The following NACAD variants were observed in gnomAD, a reference collection of about 807,000 sequenced individuals.
NACAD encodes NAC-alpha domain-containing protein 1.
NACAD carries 47 observed loss-of-function variants against 98.9 expected under a neutral mutation model. The observed-to-expected ratio is 0.48, with a 90% CI of 0.38 to 0.61. NACAD has a LOEUF of 0.61. Ranked by LOEUF, NACAD falls within the 20% of genes least tolerant of loss-of-function variation. The pLI, the probability that NACAD is intolerant of heterozygous loss-of-function variation, is 0.00. For missense variants in NACAD, 1,412 were observed against 1,748.2 expected, an observed-to-expected ratio of 0.81 and a Z score of 3.43; for synonymous variants, 696 against 767.2, an observed-to-expected ratio of 0.91 and a Z score of 1.53.
chr7:45,086,073 C>A lies in NACAD; in HGVS notation c.107G>T (p.Gly36Val), dbSNP rs1332968877. 7 of 1,536,114 alleles carry A rather than the reference C, an allele frequency of 4.6e-6. No individual in the cohort carries two copies. Among genetic ancestry groups the A allele is most frequent in the African/African-American group, 4.1e-5 (3 of 73,050 alleles). Reference protein sequence around the residue: ...CDAAAATTILGGDRREPCALT... With the variant: ...CDAAAATTILVGDRREPCALT... The stretch of plus-strand genomic sequence containing the variant: ...AGCACAGGGCTCCCGCCGGTCCCCT[C>A]CCAGGATGGTGGTGGCAGCGGCCGC... The change falls in exon 2 of 8, where the codon GGA (glycine) becomes GTA (valine). Residue 36 changes from glycine to valine, a missense_variant. Gly to Val is a moderately radical substitution (Grantham distance 109, BLOSUM62 -3). Around this residue, in one of 5 missense-constraint regions of NACAD, gnomAD observed 638 missense variants for 722.7 expected, o/e 0.88. Transcript: ENST00000490531.
rs1422084859 is a variant in NACAD at position 45,085,773 on chromosome 7, C to G, written c.407G>C (p.Arg136Pro). The stretch of plus-strand genomic sequence containing the variant: ...ACCCTCCTGGTCCCTGAGCGCTGTC[C>G]GGGCAGCTCTGGGTGACAGGAGGGC... ...CQALLSPRAA[R>P]TALRDQEGGH... Residue 136 changes from arginine to proline, a missense_variant, in exon 2 of 8, where the codon CGG (arginine) becomes CCG (proline). This residue lies in a region of NACAD where 638 missense variants were observed against 722.7 expected (regional missense o/e 0.88). Coordinates refer to ENST00000490531, the MANE Select transcript of NACAD (RefSeq NM_001146334.2). This position sits in a 1 kb window ranked among gnomAD's most constrained non-coding sequence, Gnocchi z 6.1. 1.9e-6 allele frequency: 3 copies of G among 1,547,436 alleles called. No homozygotes were observed. In the East Asian group the frequency reaches 7.3e-5, roughly 38 times the overall value.
chr7:45,084,422 G>T lies in NACAD; in HGVS notation c.1758C>A (p.Val586=), dbSNP rs779340070. The change falls in exon 2 of 8, where the codon GTC becomes GTA. Residue 586 remains valine, a synonymous_variant. Coordinates refer to ENST00000490531, the MANE Select transcript of NACAD (RefSeq NM_001146334.2). The part of the protein sequence containing the change: ...GRKPVAAATI[V]PRQAKEDLTL... ...TGAGGTCCTCTTTAGCCTGCCTGGG[G>T]ACAATCGTGGCTGCAGCTACAGGCT... The T allele has an allele frequency of 1.3e-6, 2 of 1,544,444 alleles. No homozygotes were observed. Among genetic ancestry groups the T allele is most frequent in the East Asian group, 2.5e-5 (1 of 40,804 alleles).
rs1395389303 is a variant in NACAD, at chr7:45,082,814, T to C, written c.3366A>G (p.Pro1122=). The change falls in exon 2 of 8, where the codon CCA becomes CCG. Residue 1122 remains proline (P), a synonymous_variant. Transcript: ENST00000490531. This position sits in a 1 kb window ranked among gnomAD's most constrained non-coding sequence, Gnocchi z 4.5. ...CACTCAGGCCTCTTTCCTCCCTGGCTGGGCTCAGGAGCCGGGCCTGGCTGA... is the reference window on the plus strand; with the variant it reads ...CACTCAGGCCTCTTTCCTCCCTGGCCGGGCTCAGGAGCCGGGCCTGGCTGA... ...PEVSQARLLS[P]AREERGLSGK... 6.5e-7 allele frequency: 1 copy of C among 1,549,848 alleles called. No individual in the cohort carries two copies. The highest frequency in any genetic ancestry group is 2.4e-5 in the East Asian group (1 of 40,896).
At position 45,082,317 on chromosome 7, in the gene NACAD, G is replaced by A. The variant is rs1298609982; in HGVS notation, c.3863C>T (p.Thr1288Ile). 1.3e-6 allele frequency: 2 copies of A among 1,550,508 alleles called. No individual in the cohort carries two copies. The highest frequency in any genetic ancestry group is 1.7e-6 in the Non-Finnish European group (2 of 1,146,978). ...TCGCGGCCCAGTCCCCAGAGGCTGTGTGGTTCCTGAGACAGCAGCAGCGGC... is the reference window on the plus strand; with the variant it reads ...TCGCGGCCCAGTCCCCAGAGGCTGTATGGTTCCTGAGACAGCAGCAGCGGC... ...QPAAAAVSGT[T>I]QPLGTGPRVS... Residue 1288 changes from threonine to isoleucine, a missense_variant, in exon 2 of 8, where the codon ACA (threonine) becomes ATA (isoleucine). Physicochemically the swap from Thr to Ile is moderately conservative, Grantham distance 89. Coordinates refer to ENST00000490531, the MANE Select transcript of NACAD (RefSeq NM_001146334.2). The surrounding 1 kb of genome is among the most constrained non-coding windows in gnomAD (Gnocchi z 4.5).
Position 45,084,752 on chromosome 7 carries a change from G to A in NACAD, c.1428C>T (p.Gly476=), listed in dbSNP as rs765629024. 11 of 1,550,932 alleles carry A rather than the reference G, an allele frequency of 7.1e-6. No individual in the cohort carries two copies. In the South Asian group the frequency reaches 1.2e-4, roughly 17 times the overall value. ...GGGTCACAGTGGCAGTGGACTCCTG[G>A]CCTAAAGCAAGGCCCTCTTCTGTTA... The part of the protein sequence containing the change: ...SEVTEEGLAL[G]QESTATVTPH... Residue 476 remains glycine (G), a synonymous_variant, in exon 2 of 8, where the codon GGC becomes GGT. Transcript: ENST00000490531.
chr7:45,085,419 G>T lies in NACAD; in HGVS notation c.761C>A (p.Ser254Tyr). Reference protein sequence around the residue: ...GLDFPSGWGLSPQGSMVDERE... With the variant: ...GLDFPSGWGLYPQGSMVDERE... Reference sequence around the variant, plus strand: ...TTCATCCACCATGGACCCCTGCGGGGACAGGCCCCAGCCTGAGGGGAAGTC... The same window carrying T: ...TTCATCCACCATGGACCCCTGCGGGTACAGGCCCCAGCCTGAGGGGAAGTC... The change falls in exon 2 of 8, where the codon TCC becomes TAC. Residue 254 changes from serine (S) to tyrosine (Y), a missense_variant. Physicochemically the swap from Ser to Tyr is moderately radical, Grantham distance 144 (BLOSUM62 -2). Transcript: ENST00000490531. The surrounding 1 kb of genome is among the most constrained non-coding windows in gnomAD (Gnocchi z 6.1). 1 of 1,547,764 alleles carries T rather than the reference G, an allele frequency of 6.5e-7. No homozygotes were observed. Among genetic ancestry groups the T allele is most frequent in the Non-Finnish European group, 8.7e-7 (1 of 1,145,410 alleles).
chr7:45,080,543 T>C lies in NACAD; in HGVS notation c.4675-20A>G, dbSNP rs771527968. 7 of 1,551,412 alleles carry C rather than the reference T, an allele frequency of 4.5e-6. No homozygotes were observed. Among genetic ancestry groups the C allele is most frequent in the Non-Finnish European group, 6.1e-6 (7 of 1,146,910 alleles). On this transcript the variant is annotated intron_variant, in intron 7 of 7. Transcript: ENST00000490531. ...CAGTTCCTGCAGAAAGAGATGGTCATGTTGGGGGAAGCACCCCGCAGTGGA... is the reference window on the plus strand; with the variant it reads ...CAGTTCCTGCAGAAAGAGATGGTCACGTTGGGGGAAGCACCCCGCAGTGGA...
At position 45,085,441 on chromosome 7, in the gene NACAD, A is replaced by T; in HGVS notation, c.739T>A (p.Phe247Ile). Residue 247 changes from phenylalanine to isoleucine, a missense_variant, in exon 2 of 8, where the codon TTC becomes ATC. Coordinates refer to ENST00000490531, the MANE Select transcript of NACAD (RefSeq NM_001146334.2). The surrounding 1 kb of genome is among the most constrained non-coding windows in gnomAD (Gnocchi z 6.1). ...GGGGACAGGCCCCAGCCTGAGGGGA[A>T]GTCCAGCCCTTCAGCCGGAGCCAGC... Reference protein sequence around the residue: ...SLLAPAEGLDFPSGWGLSPQG... With the variant: ...SLLAPAEGLDIPSGWGLSPQG... The T allele has an allele frequency of 6.5e-7, 1 of 1,549,066 alleles. No individual in the cohort carries two copies. The highest frequency in any genetic ancestry group is 8.7e-7 in the Non-Finnish European group (1 of 1,146,124).
At position 45,082,675 on chromosome 7, in the gene NACAD, C is replaced by G. The variant is rs1002409075; in HGVS notation, c.3505G>C (p.Asp1169His). The G allele has an allele frequency of 6.6e-7, 1 of 1,506,952 alleles. No individual in the cohort carries two copies. 93.3% of individuals were successfully genotyped at this position (1,506,952 alleles called of 1,614,324 possible). ...AVSSLDRGCP[D>H]APAPTSAPTS... ...GGTGCAGACGTGGGGGCAGGCGCGT[C>G]AGGGCAGCCTCTGTCCAGACTGGAC... The change falls in exon 2 of 8, where the codon GAC becomes CAC. Residue 1169 changes from aspartate (D) to histidine (H), a missense_variant. Physicochemically the swap from Asp to His is moderately conservative, Grantham distance 81 (BLOSUM62 -1). Around this residue, in one of 5 missense-constraint regions of NACAD, gnomAD observed 572 missense variants for 639.6 expected, o/e 0.89. Coordinates refer to ENST00000490531, the MANE Select transcript of NACAD (RefSeq NM_001146334.2). The surrounding 1 kb of genome is among the most constrained non-coding windows in gnomAD (Gnocchi z 4.5).
chr7:45,084,710 T>C lies in NACAD; in HGVS notation c.1470A>G (p.Val490=). 1 of 1,551,186 alleles carries C rather than the reference T, an allele frequency of 6.4e-7. No individual in the cohort carries two copies. ...TATVTPHTLQ[V]APGLQVEVAT... ...CCACCTCCACCTGGAGGCCTGGGGCTACCTGCAGAGTGTGAGGGGTCACAG... is the reference window on the plus strand; with the variant it reads ...CCACCTCCACCTGGAGGCCTGGGGCCACCTGCAGAGTGTGAGGGGTCACAG... The change falls in exon 2 of 8, where the codon GTA becomes GTG. Residue 490 remains valine, a synonymous_variant. Coordinates refer to ENST00000490531, the MANE Select transcript of NACAD (RefSeq NM_001146334.2).
rs1584008978 is a variant in NACAD, at chr7:45,082,064, T to A, written c.4072+44A>T. On this transcript the variant is annotated intron_variant, in intron 2 of 7. Transcript: ENST00000490531. The surrounding 1 kb of genome is among the most constrained non-coding windows in gnomAD (Gnocchi z 4.5). ...AGGACAGCTCTAAGGAGGAGTCCAG[T>A]TGACCCAAGCCCCAGGGCACTTCAC... The A allele has an allele frequency of 6.8e-7, 1 of 1,460,804 alleles. No homozygotes were observed. Among genetic ancestry groups the A allele is most frequent in the African/African-American group, 1.4e-5 (1 of 70,072 alleles). 90.5% of individuals were successfully genotyped at this position (1,460,804 alleles called of 1,614,324 possible).
rs1253649382 is a variant in NACAD, at chr7:45,084,451, T to C, written c.1729A>G (p.Arg577Gly). ...EEGGLDLPSG[R>G]KPVAAATIVP... ...ATCGTGGCTGCAGCTACAGGCTTTCTGCCAGAGGGGAGGTCCAGCCCTCCT... is the reference window on the plus strand; with the variant it reads ...ATCGTGGCTGCAGCTACAGGCTTTCCGCCAGAGGGGAGGTCCAGCCCTCCT... The change falls in exon 2 of 8, where the codon AGA (arginine) becomes GGA (glycine). Residue 577 changes from arginine (R) to glycine (G), a missense_variant. Coordinates refer to ENST00000490531, the MANE Select transcript of NACAD (RefSeq NM_001146334.2). 1 of 1,551,942 alleles carries C rather than the reference T, an allele frequency of 6.4e-7. No homozygotes were observed. The highest frequency in any genetic ancestry group is 8.7e-7 in the Non-Finnish European group (1 of 1,147,040).
Position 45,086,175 on chromosome 7 carries a change from C to T in NACAD, c.68-63G>A, listed in dbSNP as rs915058407. ...GCATCTCCCAGGCAAGGGCCAGGCC[C>T]GGGGAGATGAATTCCGGCTGCATAG... On this transcript the variant is annotated intron_variant, in intron 1 of 7. Coordinates refer to ENST00000490531, the MANE Select transcript of NACAD (RefSeq NM_001146334.2). 1.9e-5 allele frequency: 28 copies of T among 1,498,246 alleles called. No individual in the cohort carries two copies. The East Asian group carries it at 2.5e-4, about 13-fold the overall frequency. The allele number at this position is 1,498,246 out of a possible 1,614,324, so 92.8% of individuals were successfully genotyped here. A position where few individuals can be genotyped will look rare whatever the true frequency, so the allele number is the denominator to read the frequency against.
chr7:45,084,294 T>G lies in NACAD; in HGVS notation c.1886A>C (p.Gln629Pro). 4.3e-6 allele frequency: 6 copies of G among 1,380,556 alleles called. No individual in the cohort carries two copies. Among genetic ancestry groups the G allele is most frequent in the Non-Finnish European group, 5.7e-6 (6 of 1,051,662 alleles). The allele number at this position is 1,380,556 out of a possible 1,614,324, so 85.5% of individuals were successfully genotyped here. A position where few individuals can be genotyped will look rare whatever the true frequency, so the allele number is the denominator to read the frequency against. The change falls in exon 2 of 8, where the codon CAG becomes CCG. Residue 629 changes from glutamine (Q) to proline (P), a missense_variant. Physicochemically the swap from Gln to Pro is moderately conservative, Grantham distance 76. Coordinates refer to ENST00000490531, the MANE Select transcript of NACAD (RefSeq NM_001146334.2). ...GGGTAAGGTGAGGCCCTCTTCAGCC[T>G]GCTGGGACACAATCGTGGCTGCAGC... Reference protein sequence around the residue: ...PVAAATIVSQQAEEGLTLPQD... With the variant: ...PVAAATIVSQPAEEGLTLPQD...
Position 45,082,746 on chromosome 7 carries a change from G to A in NACAD, c.3434C>T (p.Thr1145Ile). ...TGGGCAGGAGTCCAGACTGGCCTCT[G>A]TGGCCACAGCTGAGGGAAGCGTGGG... ...PEPTLPSAVATEASLDSCPES... is the reference protein window; with the variant it reads ...PEPTLPSAVAIEASLDSCPES... Residue 1145 changes from threonine (T) to isoleucine (I), a missense_variant, in exon 2 of 8, where the codon ACA becomes ATA. Thr to Ile is a moderately conservative substitution (Grantham distance 89). Coordinates refer to ENST00000490531, the MANE Select transcript of NACAD (RefSeq NM_001146334.2). This position sits in a 1 kb window ranked among gnomAD's most constrained non-coding sequence, Gnocchi z 4.5. 1 of 1,545,568 alleles carries A rather than the reference G, an allele frequency of 6.5e-7. No homozygotes were observed.
At position 45,082,421 on chromosome 7, in the gene NACAD, G is replaced by T. The variant is rs1471394477; in HGVS notation, c.3759C>A (p.Asp1253Glu). Residue 1253 changes from aspartate to glutamate, a missense_variant, in exon 2 of 8, where the codon GAC (aspartate) becomes GAA (glutamate). Around this residue, in one of 5 missense-constraint regions of NACAD, gnomAD observed 572 missense variants for 639.6 expected, o/e 0.89. Coordinates refer to ENST00000490531, the MANE Select transcript of NACAD (RefSeq NM_001146334.2). The surrounding 1 kb of genome is among the most constrained non-coding windows in gnomAD (Gnocchi z 4.5). ...CGTCTTCCACAGAGTCTTCCTGGGGGTCCTGGCACAGGCAGGGGGCTGGGG... is the reference window on the plus strand; with the variant it reads ...CGTCTTCCACAGAGTCTTCCTGGGGTTCCTGGCACAGGCAGGGGGCTGGGG... Reference protein sequence around the residue: ...LEPPAPCLCQDPQEDSVEDEE... With the variant: ...LEPPAPCLCQEPQEDSVEDEE... The T allele has an allele frequency of 8.4e-6, 13 of 1,548,904 alleles. No homozygotes were observed. Among genetic ancestry groups the T allele is most frequent in the Non-Finnish European group, 6.1e-6 (7 of 1,146,458 alleles).
Position 45,085,135 on chromosome 7 carries a change from C to T in NACAD, c.1045G>A (p.Ala349Thr), listed in dbSNP as rs1453360104. 27 of 1,550,750 alleles carry T rather than the reference C, an allele frequency of 1.7e-5. No individual in the cohort carries two copies. In the South Asian group the frequency reaches 2.7e-4, roughly 16 times the overall value. Residue 349 changes from alanine (A) to threonine (T), a missense_variant, in exon 2 of 8, where the codon GCT becomes ACT. Coordinates refer to ENST00000490531, the MANE Select transcript of NACAD (RefSeq NM_001146334.2). The surrounding 1 kb of genome is among the most constrained non-coding windows in gnomAD (Gnocchi z 6.1). Reference protein sequence around the residue: ...VADPDPGGDLAGEGEEDSTSA... With the variant: ...VADPDPGGDLTGEGEEDSTSA... ...GTGCTGTCCTCCTCACCCTCCCCAG[C>T]CAGGTCCCCACCTGGGTCGGGATCC...
Position 45,082,852 on chromosome 7 carries a change from C to G in NACAD, c.3328G>C (p.Ala1110Pro). Residue 1110 changes from alanine to proline, a missense_variant, in exon 2 of 8, where the codon GCC (alanine) becomes CCC (proline). Ala to Pro is a conservative substitution (Grantham distance 27, BLOSUM62 -1). Around this residue, in one of 5 missense-constraint regions of NACAD, gnomAD observed 572 missense variants for 639.6 expected, o/e 0.89. Coordinates refer to ENST00000490531, the MANE Select transcript of NACAD (RefSeq NM_001146334.2). The surrounding 1 kb of genome is among the most constrained non-coding windows in gnomAD (Gnocchi z 4.5). ...AREVPDAPPAACPEVSQARLL... is the reference protein window; with the variant it reads ...AREVPDAPPAPCPEVSQARLL... The stretch of plus-strand genomic sequence containing the variant: ...CGGGCCTGGCTGACCTCAGGGCAGG[C>G]AGCAGGAGGCGCATCGGGGACCTCC... The G allele has an allele frequency of 6.5e-7, 1 of 1,550,098 alleles. No individual in the cohort carries two copies. Among genetic ancestry groups the G allele is most frequent in the Non-Finnish European group, 8.7e-7 (1 of 1,146,854 alleles).
rs759644310 is a variant in NACAD at position 45,084,379 on chromosome 7, C to G, written c.1801G>C (p.Ala601Pro). 82 of 1,523,944 alleles carry G rather than the reference C, an allele frequency of 5.4e-5. No homozygotes were observed. Among genetic ancestry groups the G allele is most frequent in the Non-Finnish European group, 8.9e-6 (10 of 1,127,474 alleles). The allele number at this position is 1,523,944 out of a possible 1,614,324, so 94.4% of individuals were successfully genotyped here. Residue 601 changes from alanine (A) to proline (P), a missense_variant, in exon 2 of 8, where the codon GCT becomes CCT. Physicochemically the swap from Ala to Pro is conservative, Grantham distance 27. Transcript: ENST00000490531. Reference protein sequence around the residue: ...KEDLTLPQDSAMTPPLPLQDT... With the variant: ...KEDLTLPQDSPMTPPLPLQDT... ...TGTAGGGGCAGAGGCGGTGTCATAG[C>G]GGAGTCCTGGGGTAAGGTGAGGTCC...
Sources: gnomAD v4.1 joint callset for allele counts on GRCh38, gnomAD v4.1.1 for gene constraint, gnomAD v4.1.1 regional missense constraint, Gnocchi (gnomAD v3.1) non-coding constraint, MANE v1.5 for transcripts, NCBI Gene and HGNC (gene_info 2026-07-23, HGNC 2026-07-21) for gene names.